The following CHD2 variants were observed in gnomAD, a reference collection of about 807,000 sequenced individuals.
CHD2 encodes chromodomain helicase DNA binding protein 2.
Under a neutral mutation model 243.9 loss-of-function variants are expected in CHD2, and 28 were observed. The observed-to-expected ratio is 0.11, with a 90% CI of 0.09 to 0.16. CHD2 has a LOEUF of 0.16. Ranked by LOEUF, CHD2 falls within the 10% of genes least tolerant of loss-of-function variation. The pLI, the probability that CHD2 is intolerant of heterozygous loss-of-function variation, is 1.00. For missense variants in CHD2, 1,386 were observed against 2,209.8 expected (o/e 0.63, Z 7.47); for synonymous variants, 775 against 779.0 (o/e 0.99, Z 0.09).
At chr15:92,962,367 T>G (rs1251459463) in intron 16 of CHD2, among the ~76,000 whole-genome samples, 1 of 152,166 alleles carries the variant, frequency 6.6e-6, no homozygotes, top group Non-Finnish European at 1.5e-5. Context: ...TACTGATAAT[T>G]TTGTGTTTTT....
intron 36 of CHD2, among the ~76,000 whole-genome samples, chr15:93,014,034 G>A (rs1212039960): frequency 6.7e-6 from 1 of 148,804 alleles, no homozygotes; most frequent in African/African-American, 2.5e-5. Context: ...ACATAATATT[G>A]TAGAAATAAG....
chr15:92,901,362 ATTGTTTACC>A, intron 2 of CHD2, 63 bp downstream of exon 2: 1 of 956,304 alleles, frequency 1.0e-6, no homozygotes, highest in Non-Finnish European at 1.7e-6. Flanking sequence ...TCAGCTTACA[ATTGTTTACC>A]TTGACAGACA....
chr15:92,971,278 A>G (rs2053837435), intron 17 of CHD2, among the ~76,000 whole-genome samples: 1 of 152,200 alleles, frequency 6.6e-6, no homozygotes. Flanking sequence ...AGAACTGTAA[A>G]ATGCTCTAAT....
At chr15:92,973,045 GT>G (rs1440872311) in intron 19 of CHD2, among the ~76,000 whole-genome samples, 1 of 152,204 alleles carries the variant, frequency 6.6e-6, no homozygotes, top group East Asian at 1.9e-4. Context: ...TATGGTGAAA[GT>G]AGAGAGGAAG....
intron 7 of CHD2, 95 bp from the exon 8 acceptor site, chr15:92,941,727 A>G (rs764746458): frequency 3.1e-6 from 4 of 1,292,382 alleles, no homozygotes; most frequent in Admixed American, 2.6e-5. Flanking sequence ...TTTGGAACCA[A>G]AAGGGTATGG....
chr15:92,904,098 C>G (rs1221497462), intron 2 of CHD2, among the ~76,000 whole-genome samples: 2 of 152,226 alleles, frequency 1.3e-5, no homozygotes, highest in Admixed American at 1.3e-4. Context: ...CTCTGCTCTT[C>G]TGGGGAACTC....
At chr15:92,950,800 T>C (rs775321815) in intron 13 of CHD2, among the ~76,000 whole-genome samples, 3 of 152,060 alleles carry the variant, frequency 2.0e-5, no homozygotes, top group African/African-American at 4.8e-5. Context: ...CCCTCATTGC[T>C]GAAAGGAAGC....
At chr15:92,919,521 T>C (rs2052913534) in intron 2 of CHD2, among the ~76,000 whole-genome samples, 1 of 151,912 alleles carries the variant, frequency 6.6e-6, no homozygotes, top group African/African-American at 2.4e-5. Context: ...GCCTCCCGAG[T>C]AGCTGGGACT....
chr15:93,024,508 T>C lies in CHD2; in HGVS notation c.5290T>C (p.Ser1764Pro). Residue 1764 changes from serine (S) to proline (P), a missense_variant, in exon 39 of 39, where the codon TCT becomes CCT. Ser to Pro is a moderately conservative substitution (Grantham distance 74, BLOSUM62 -1). Coordinates refer to ENST00000394196, the MANE Select transcript of CHD2 (RefSeq NM_001271.4). ...HGQGPSDHYR[S>P]FHTDKLGEYK... The stretch of plus-strand genomic sequence containing the variant: ...CCAGGGACCCTCAGACCATTACCGC[T>C]CTTTCCACACAGATAAACTGGGGGA... The C allele has an allele frequency of 1.2e-6, 2 of 1,614,182 alleles. No individual in the cohort carries two copies. Among genetic ancestry groups the C allele is most frequent in the African/African-American group, 1.3e-5 (1 of 75,034 alleles).
chr15:92,985,809 G>A, intron 26 of CHD2, 136 bp downstream of exon 26: 1 of 765,884 alleles, frequency 1.3e-6, no homozygotes, highest in Non-Finnish European at 2.0e-6. Flanking sequence ...GCTGGGTCCT[G>A]TCCCAGATCT....
chr15:93,004,774 G>C, intron 34 of CHD2, 23 bp downstream of exon 34: 1 of 1,605,758 alleles, frequency 6.2e-7, no homozygotes, highest in Non-Finnish European at 8.5e-7. Flanking sequence ...ATCGGGGGGT[G>C]CCAGTGTCTG....
chr15:92,972,906 C>G (rs927347694), intron 19 of CHD2, among the ~76,000 whole-genome samples: 53 of 152,000 alleles, frequency 3.5e-4, no homozygotes, highest in African/African-American at 1.2e-3. Context: ...TACTTGCATG[C>G]CTTTAGGCTA....
chr15:92,931,267 TA>T (rs2053161579), intron 5 of CHD2, among the ~76,000 whole-genome samples: 1 of 152,214 alleles, frequency 6.6e-6, no homozygotes, highest in African/African-American at 2.4e-5. Context: ...AAAATTGGTT[TA>T]AAAAAATTAA....
Position 92,997,265 on chromosome 15 carries a change from C to T in CHD2, c.3747C>T (p.Thr1249=), listed in dbSNP as rs943184650. 1 of 1,614,040 alleles carries T rather than the reference C, an allele frequency of 6.2e-7. No individual in the cohort carries two copies. The stretch of plus-strand genomic sequence containing the variant: ...AAACTTTCTTTAGATACTGCTTAAC[C>T]TGTCGTGTCAAAGCTGCACATTTTG... ...DPEEKKKYCL[T]CRVKAAHFDV... Residue 1249 remains threonine, a synonymous_variant, in exon 30 of 39, where the codon ACC becomes ACT. Transcript: ENST00000394196. The surrounding 1 kb of genome is among the most constrained non-coding windows in gnomAD (Gnocchi z 4.1).
chr15:92,936,210 A>G (rs1176927104), intron 5 of CHD2, among the ~76,000 whole-genome samples: 1 of 152,194 alleles, frequency 6.6e-6, no homozygotes. Flanking sequence ...CTCAATCTGC[A>G]CATCAGCCAC....
intron 2 of CHD2, among the ~76,000 whole-genome samples, chr15:92,923,754 T>G (rs1046621972): frequency 1.3e-5 from 2 of 152,022 alleles, no homozygotes; most frequent in Non-Finnish European, 2.9e-5. Context: ...TTAATAGAGA[T>G]GGGGTTTCAC....
At chr15:92,946,883 A>G (rs1199687680) in intron 12 of CHD2, 3 of 151,904 alleles carry the variant, frequency 2.0e-5, no homozygotes, top group African/African-American at 7.2e-5. Flanking sequence ...GGATTGCTTG[A>G]GCACAGGAGT....
Position 93,027,983 on chromosome 15 carries a change from G to C in CHD2, c.*3278G>C, listed in dbSNP as rs753798275. 3 of 152,636 alleles carry C rather than the reference G, an allele frequency of 2.0e-5. No individual in the cohort carries two copies. The highest frequency in any genetic ancestry group is 4.4e-5 in the Non-Finnish European group (3 of 68,040). The allele number at this position is 152,636 out of a possible 1,614,324, so 9.5% of individuals were successfully genotyped here. ...TTCTTGTATATTAAAAAGTGTTACT[G>C]AGCATTTTTAGAATTGGGCTAACAC... On this transcript the variant is annotated 3_prime_UTR_variant, in exon 39 of 39. Coordinates refer to ENST00000394196, the MANE Select transcript of CHD2 (RefSeq NM_001271.4).
chr15:92,957,796 T>C (rs2053635457), intron 16 of CHD2, among the ~76,000 whole-genome samples: 1 of 152,194 alleles, frequency 6.6e-6, no homozygotes, highest in Non-Finnish European at 1.5e-5. Flanking sequence ...TCCCAAAAAG[T>C]TCCCCCTTGC....
Sources: gnomAD v4.1 joint callset for allele counts (sites outside exome capture counted in the v4.1 genomes callset) on GRCh38, gnomAD v4.1.1 for gene constraint, Gnocchi (gnomAD v3.1) non-coding constraint, MANE v1.5 for transcripts, NCBI Gene and HGNC (gene_info 2026-07-23, HGNC 2026-07-21) for gene names.